Variants in GAS5 observed in about 807,000 individuals in gnomAD.
The protein encoded by GAS5 is growth arrest specific 5, also known as growth arrest specific 5 (non-protein coding).
At chr1:173,868,143 T>C, upstream of GAS5, 1 of 156,008 alleles carries the variant, frequency 6.4e-6, no homozygotes, top group Non-Finnish European at 1.4e-5. Flanking sequence ...AGTCCGCCCC[T>C]TTTCCCCGCC....
chr1:173,865,373 C>A (rs1572013977), intron 6 of GAS5: 2 of 515,210 alleles, frequency 3.9e-6, no homozygotes, highest in South Asian at 2.8e-5. Flanking sequence ...AGATTAATCT[C>A]CATTTTCTTT....
Position 173,866,582 on chromosome 1 carries a change from C to A in GAS5, n.92-15G>T, listed in dbSNP as rs973137023. Reference sequence around the variant, plus strand: ...CTCTTTAGGACCTGGGAAGAAACAACTTCATGTGAACTTAGGTGTACTCTC... The same window carrying A: ...CTCTTTAGGACCTGGGAAGAAACAAATTCATGTGAACTTAGGTGTACTCTC... On this transcript the variant is annotated splice_polypyrimidine_tract_variant and intron_variant and non_coding_transcript_variant, in intron 2 of 7. Transcript: ENST00000651080. The A allele has an allele frequency of 1.2e-5, 9 of 760,964 alleles. No individual in the cohort carries two copies. The African/African-American group carries it at 1.5e-4, about 13-fold the overall frequency. The allele number at this position is 760,964 out of a possible 1,614,324, so 47.1% of individuals were successfully genotyped here.
intron 7 of GAS5, chr1:173,864,197 T>C (rs753450251): frequency 1.9e-6 from 1 of 518,570 alleles, no homozygotes; most frequent in South Asian, 1.4e-5. Flanking sequence ...AGAGTTCAAG[T>C]TGGATTGAGA....
upstream of GAS5, chr1:173,867,360 A>G (rs931334273): frequency 5.4e-6 from 2 of 369,012 alleles, no homozygotes; most frequent in African/African-American, 2.1e-5. Context: ...TCTCTACTAA[A>G]AATATAAAAG....
In GAS5 at chr1:173,867,043, C is replaced by G. The variant is rs897378416; in HGVS notation, n.3G>C. 3 of 732,954 alleles carry G rather than the reference C, an allele frequency of 4.1e-6. No individual in the cohort carries two copies. The African/African-American group carries it at 5.2e-5, about 13-fold the overall frequency. The allele number at this position is 732,954 out of a possible 1,614,324, so 45.4% of individuals were successfully genotyped here. A position where few individuals can be genotyped will look rare whatever the true frequency, so the allele number is the denominator to read the frequency against. On this transcript the variant is annotated non_coding_transcript_exon_variant, in exon 1 of 8. Transcript: ENST00000651080. ...CACTGCATCTGCACCCAGCACCATA[C>G]CTAAAGAGATCAGGTACAGATTTTA... is the stretch of plus-strand genomic sequence containing the variant.
upstream of GAS5, chr1:173,867,423 G>T (rs74730758): frequency 2.3e-3 from 816 of 361,152 alleles, 19 homozygotes; most frequent in East Asian, 0.052. Context: ...GGCTGAGGCA[G>T]AACTGCTTAA....
intron 3 of GAS5, chr1:173,866,439 G>A (rs1186525759): frequency 6.6e-6 from 4 of 607,034 alleles, no homozygotes; most frequent in Non-Finnish European, 9.5e-6. Flanking sequence ...TGAAAAGAGG[G>A]GAGAGAAGCA....
At chr1:173,867,158 T>TC (rs1353175472), upstream of GAS5, 2 of 584,468 alleles carry the variant, frequency 3.4e-6, no homozygotes, top group African/African-American at 3.7e-5. Context: ...AACATACCAT[T>TC]CATTATCTAG....
At chr1:173,865,833 TCTA>T in intron 5 of GAS5, 1 of 512,048 alleles carries the variant, frequency 2.0e-6, no homozygotes, top group South Asian at 1.4e-5. Flanking sequence ...ATTAAGTCTA[TCTA>T]CTGTTTTCAT....
At chr1:173,867,699 T>C, upstream of GAS5, 1 of 519,002 alleles carries the variant, frequency 1.9e-6, no homozygotes, top group Non-Finnish European at 3.8e-6. Context: ...TTGGCATTCA[T>C]CATTACTCTC....
At chr1:173,866,545 G>GA (rs1654689425) in exon 3 of GAS5, 4 of 738,212 alleles carry the variant, frequency 5.4e-6, no homozygotes, top group Non-Finnish European at 9.9e-6. Context: ...CCAATGGCTT[G>GA]AGTTAGGCTT....
chr1:173,865,514 G>A, exon 6 of GAS5: 1 of 510,222 alleles, frequency 2.0e-6, no homozygotes, highest in Non-Finnish European at 3.9e-6. Context: ...CCTTACCCAA[G>A]CAAGTCATCC....
At chr1:173,864,664 T>G (rs1046835667) in intron 6 of GAS5, 11 of 406,190 alleles carry the variant, frequency 2.7e-5, no homozygotes, top group African/African-American at 2.3e-4. Flanking sequence ...TCCTTCAAAG[T>G]TTAAACTAAC....
At chr1:173,865,975 T>C (rs1281439612) in intron 4 of GAS5, 2 of 518,782 alleles carry the variant, frequency 3.9e-6, no homozygotes, top group South Asian at 2.8e-5. Context: ...TTTAGTCAGT[T>C]AGAGCTAATT....
chr1:173,867,636 G>C (rs1479110721), upstream of GAS5: 1 of 518,890 alleles, frequency 1.9e-6, no homozygotes, highest in Admixed American at 1.9e-5. Context: ...TCGGGTCACG[G>C]CCCTTAACAA....
upstream of GAS5, chr1:173,867,206 A>C (rs1654872102): frequency 7.3e-6 from 4 of 545,958 alleles, no homozygotes; most frequent in Non-Finnish European, 9.7e-6. Flanking sequence ...ACAAAGAAGC[A>C]CTGCACCCGC....
chr1:173,867,608 C>A (rs1654977942), upstream of GAS5: 1 of 516,828 alleles, frequency 1.9e-6, no homozygotes. Flanking sequence ...TTCATGAGAG[C>A]GGACGGCTGA....
At chr1:173,867,959 C>T (rs559589212), upstream of GAS5, 4 of 348,428 alleles carry the variant, frequency 1.1e-5, no homozygotes, top group South Asian at 2.2e-5. Flanking sequence ...ATAAAACATA[C>T]CTCACAGGAG....
At chr1:173,866,239 A>C (rs1256029743) in intron 3 of GAS5, 1 of 486,538 alleles carries the variant, frequency 2.1e-6, no homozygotes, top group South Asian at 1.5e-5. Context: ...TCAGCAAAAA[A>C]TATTTTAATG....
Sources: gnomAD v4.1 joint callset for allele counts on GRCh38, gnomAD v4.1.1 for gene constraint, MANE v1.5 for transcripts, NCBI Gene and HGNC (gene_info 2026-07-23, HGNC 2026-07-21) for gene names.